The following AASDH variants were observed in gnomAD, a reference collection of about 807,000 sequenced individuals.
AASDH encodes the protein aminoadipate-semialdehyde dehydrogenase.
AASDH carries 81 observed loss-of-function variants against 102.3 expected under a neutral mutation model. The ratio of observed to expected loss-of-function variants is 0.79; its 90% CI spans 0.66 to 0.95. The LOEUF (loss-of-function observed/expected upper bound fraction) is 0.95. Among genes scored for constraint, AASDH ranks in the 40% least tolerant of loss-of-function variants. The probability of loss-of-function intolerance (pLI) is 0.00; values close to 1 mark genes in which losing one functional copy is unlikely to be tolerated. For missense variants in AASDH, 1,203 were observed against 1,266.2 expected (o/e 0.95, Z 0.76); for synonymous variants, 398 against 454.0 (o/e 0.88, Z 1.57).
chr4:56,364,630 T>C, intron 5 of AASDH, among the ~76,000 whole-genome samples: 1 of 151,960 alleles, frequency 6.6e-6, no homozygotes, highest in Non-Finnish European at 1.5e-5. Flanking sequence ...GCTTCATAAG[T>C]GAAGGAGAAA....
At chr4:56,364,055 GA>G (rs1313340229) in intron 5 of AASDH, among the ~76,000 whole-genome samples, 2 of 152,146 alleles carry the variant, frequency 1.3e-5, no homozygotes, top group African/African-American at 2.4e-5. Flanking sequence ...CATGGCACGA[GA>G]ACTACATGAT....
chr4:56,345,623 C>T (rs73159992), intron 11 of AASDH, among the ~76,000 whole-genome samples: 4,037 of 152,260 alleles, frequency 0.027, 153 homozygotes, highest in East Asian at 0.2. Flanking sequence ...GATTTCATCA[C>T]GACTGTCACT....
At chr4:56,369,565 G>A (rs1288852061) in intron 5 of AASDH, among the ~76,000 whole-genome samples, 1 of 152,142 alleles carries the variant, frequency 6.6e-6, no homozygotes. Flanking sequence ...TGTTTTTATA[G>A]CAGAAGTTTA....
chr4:56,344,761 G>A (rs1024167635), intron 12 of AASDH, among the ~76,000 whole-genome samples: 1 of 151,878 alleles, frequency 6.6e-6, no homozygotes, highest in Non-Finnish European at 1.5e-5. Flanking sequence ...AGTTAAAAAG[G>A]TCTTAAGATA....
intron 1 of AASDH, among the ~76,000 whole-genome samples, chr4:56,386,216 TAC>T (rs1753535100): frequency 6.6e-6 from 1 of 152,186 alleles, no homozygotes; most frequent in African/African-American, 2.4e-5. Context: ...TCCTCAGACA[TAC>T]AATGATCATT....
Position 56,343,556 on chromosome 4 carries a change from G to A in AASDH, c.2775+6C>T. On this transcript the variant is annotated splice_donor_region_variant and intron_variant, in intron 13 of 14. Transcript: ENST00000205214. Reference sequence around the variant, plus strand: ...ATAAAATCAATATGTATTATTTTATGCCTACAGGATTTACAGCCAGTAAAA... The same window carrying A: ...ATAAAATCAATATGTATTATTTTATACCTACAGGATTTACAGCCAGTAAAA... 6.3e-7 allele frequency: 1 copy of A among 1,593,848 alleles called. No homozygotes were observed. The highest frequency in any genetic ancestry group is 8.5e-7 in the Non-Finnish European group (1 of 1,170,738).
At chr4:56,374,367 CAGAAAAAAAAAAA>C (rs1340006630) in intron 4 of AASDH, among the ~76,000 whole-genome samples, 22 of 110,220 alleles carry the variant, frequency 2.0e-4, no homozygotes, top group Non-Finnish European at 3.8e-4. Flanking sequence ...GACTCTGTCT[CAGAAAAAAAAAAA>C]AAAAAAAAAA....
At position 56,349,767 on chromosome 4, in the gene AASDH, G is replaced by A. The variant is rs764856065; in HGVS notation, c.1984C>T (p.His662Tyr). The change falls in exon 11 of 15, where the codon CAT becomes TAT. Residue 662 changes from histidine to tyrosine, a missense_variant. Physicochemically the swap from His to Tyr is moderately conservative, Grantham distance 83 (BLOSUM62 2). Coordinates refer to ENST00000205214, the MANE Select transcript of AASDH (RefSeq NM_181806.4). ...NQEEASGTSL[H>Y]QKAIMTFTCH... ...GTGAAAGTCATGATGGCTTTCTGAT[G>A]TAAAGATGTTCCACTGGCTTCCTCT... is the stretch of plus-strand genomic sequence containing the variant. The A allele has an allele frequency of 1.9e-6, 3 of 1,614,098 alleles. No homozygotes were observed. Among genetic ancestry groups the A allele is most frequent in the African/African-American group, 1.3e-5 (1 of 74,940 alleles).
intron 5 of AASDH, among the ~76,000 whole-genome samples, chr4:56,357,847 T>C (rs1026240865): frequency 2.6e-5 from 4 of 151,704 alleles, no homozygotes; most frequent in African/African-American, 4.8e-5. Context: ...CACTGTTCCA[T>C]ATAACATTTA....
In AASDH at chr4:56,353,421, A is replaced by G. The variant is rs1203305422; in HGVS notation, c.1559T>C (p.Leu520Pro). The G allele has an allele frequency of 1.2e-6, 2 of 1,607,958 alleles. No homozygotes were observed. The highest frequency in any genetic ancestry group is 1.7e-5 in the Admixed American group (1 of 57,884). ...VPDELVLIDS[L>P]PFTSHGKIDV... is the part of the protein sequence containing the mutation. ...TACTTTACCGTGGGATGTAAATGGT[A>G]GAGAGTCGATCAATACAAGCTCATC... The change falls in exon 9 of 15, where the codon CTA (leucine) becomes CCA (proline). Residue 520 changes from leucine (L) to proline (P), a missense_variant. Physicochemically the swap from Leu to Pro is moderately conservative, Grantham distance 98. Coordinates refer to ENST00000205214, the MANE Select transcript of AASDH (RefSeq NM_181806.4).
chr4:56,364,147 G>C (rs1750689315), intron 5 of AASDH, among the ~76,000 whole-genome samples: 1 of 152,190 alleles, frequency 6.6e-6, no homozygotes, highest in Non-Finnish European at 1.5e-5. Flanking sequence ...ATGAAATGAA[G>C]TGAGAAGGGA....
intron 4 of AASDH, 61 bp downstream of exon 4, chr4:56,378,087 T>C: frequency 6.7e-7 from 1 of 1,491,350 alleles, no homozygotes; most frequent in Non-Finnish European, 9.0e-7. Context: ...ATTACAGGCA[T>C]AAGCCACCAC....
intron 5 of AASDH, among the ~76,000 whole-genome samples, chr4:56,370,854 C>G (rs1335942880): frequency 7.2e-5 from 11 of 152,118 alleles, no homozygotes; most frequent in Admixed American, 7.2e-4. Context: ...ACTAAGATAT[C>G]TACATATTAT....
rs774397466 is a variant in AASDH, at chr4:56,338,466, A to G, written c.3233T>C (p.Leu1078Pro). Residue 1078 changes from leucine (L) to proline (P), a missense_variant, in exon 15 of 15, where the codon CTC becomes CCC. Leu to Pro is a moderately conservative substitution (Grantham distance 98). Transcript: ENST00000205214. The part of the protein sequence containing the change: ...FSSPVVLESM[L>P]IIGCRDNYVY... ...ATAATTATCTCTACACCCAATAATG[A>G]GCATTGATTCCAGGACCACAGGAGA... 9.9e-6 allele frequency: 16 copies of G among 1,614,054 alleles called. No homozygotes were observed. In the East Asian group the frequency reaches 3.3e-4, roughly 34 times the overall value.
Position 56,350,069 on chromosome 4 carries a change from G to C in AASDH, c.1693-11C>G, listed in dbSNP as rs766338415. On this transcript the variant is annotated splice_polypyrimidine_tract_variant and intron_variant, in intron 10 of 14. Coordinates refer to ENST00000205214, the MANE Select transcript of AASDH (RefSeq NM_181806.4). ...GAGATTCAGAGTAGACTACAGATGA[G>C]AGAATAGAGAAATATGTGACGTAAA... 4 of 1,551,300 alleles carry C rather than the reference G, an allele frequency of 2.6e-6. No individual in the cohort carries two copies. Among genetic ancestry groups the C allele is most frequent in the South Asian group, 2.4e-5 (2 of 82,652 alleles).
At chr4:56,371,240 T>C (rs911729964) in intron 5 of AASDH, among the ~76,000 whole-genome samples, 1 of 152,112 alleles carries the variant, frequency 6.6e-6, no homozygotes, top group South Asian at 2.1e-4. Context: ...ACAAAATACA[T>C]AATAAAAGAA....
chr4:56,358,152 AAT>A (rs1284446689), intron 5 of AASDH, among the ~76,000 whole-genome samples: 1 of 151,750 alleles, frequency 6.6e-6, no homozygotes, highest in African/African-American at 2.4e-5. Flanking sequence ...TATATGTACA[AAT>A]ATATATATAG....
intron 1 of AASDH, among the ~76,000 whole-genome samples, chr4:56,385,351 G>A (rs1753428279): frequency 6.6e-6 from 1 of 152,064 alleles, no homozygotes; most frequent in South Asian, 2.1e-4. Context: ...TTGCCAATAA[G>A]TTCACTTAGA....
intron 9 of AASDH, among the ~76,000 whole-genome samples, chr4:56,351,845 T>C (rs1176614643): frequency 6.6e-6 from 1 of 151,110 alleles, no homozygotes; most frequent in Non-Finnish European, 1.5e-5. Flanking sequence ...ACCCAGGAAG[T>C]TGAGGCTGCA....
Sources: allele counts gnomAD v4.1 joint callset (sites outside exome capture counted in the v4.1 genomes callset), GRCh38; gene constraint gnomAD v4.1.1; transcripts MANE v1.5; gene names NCBI Gene and HGNC (gene_info 2026-07-23, HGNC 2026-07-21).